ST18: variants seen among roughly 807,000 people sequenced by gnomAD.
ST18 encodes ST18 C2H2C-type zinc finger transcription factor.
Under a neutral mutation model 110.0 loss-of-function variants are expected in ST18, and 50 were observed. The ratio of observed to expected loss-of-function variants is 0.45; its 90% confidence interval spans 0.36 to 0.58. ST18 has a LOEUF of 0.58. ST18 is among the 20% of genes least tolerant of loss of function. The pLI is 0.00. For missense variants in ST18, 1,306 were observed against 1,280.1 expected (o/e 1.02, Z -0.31); for synonymous variants, 461 against 452.4 (o/e 1.02, Z -0.24).
chr8:52,319,885 A>C (rs1381234000), intron 2 of ST18, among the ~76,000 whole-genome samples: 1 of 152,180 alleles, frequency 6.6e-6, no homozygotes, highest in Admixed American at 6.5e-5. Flanking sequence ...CTTCCATGGC[A>C]ACTGGCCTCC....
chr8:52,312,624 G>A (rs2095940953), intron 2 of ST18, among the ~76,000 whole-genome samples: 1 of 152,156 alleles, frequency 6.6e-6, no homozygotes, highest in Non-Finnish European at 1.5e-5. Context: ...TAAGTCACAT[G>A]ATATTGATGC....
rs772697641 is a variant in ST18, at chr8:52,164,090, A to T, written c.1296T>A (p.Ser432Arg). Reference sequence around the variant, plus strand: ...CTGCAGCAATTGGACAACCAGAAAGACTGTTTAAAAAAAGAAACACAGGAG... The same window carrying T: ...CTGCAGCAATTGGACAACCAGAAAGTCTGTTTAAAAAAAGAAACACAGGAG... ...HVNSNRNTHR[S>R]LSGCPIAAAE... Residue 432 changes from serine to arginine, a missense_variant and splice_region_variant, in exon 13 of 26, where the codon AGT becomes AGA. By Grantham distance (110) the Ser-to-Arg change is moderately radical (BLOSUM62 -1). Coordinates refer to ENST00000689386, the MANE Select transcript of ST18 (RefSeq NM_001352837.2). 1 of 1,613,362 alleles carries T rather than the reference A, an allele frequency of 6.2e-7. No individual in the cohort carries two copies. The highest frequency in any genetic ancestry group is 2.2e-5 in the East Asian group (1 of 44,864).
intron 2 of ST18, among the ~76,000 whole-genome samples, chr8:52,352,840 C>A (rs1351100960): frequency 6.6e-6 from 1 of 152,154 alleles, no homozygotes; most frequent in African/African-American, 2.4e-5. Context: ...CACCTATATA[C>A]CAGGCAGTAT....
intron 16 of ST18, among the ~76,000 whole-genome samples, chr8:52,149,016 A>G (rs1306441820): frequency 6.6e-6 from 1 of 152,264 alleles, no homozygotes; most frequent in Non-Finnish European, 1.5e-5. Context: ...GCAATTACAC[A>G]GAGTCTAAAC....
chr8:52,398,864 A>G (rs1842012967), intron 2 of ST18, among the ~76,000 whole-genome samples: 1 of 152,088 alleles, frequency 6.6e-6, no homozygotes, highest in South Asian at 2.1e-4. Context: ...GGATTTTTGT[A>G]TTAACATTCA....
intron 2 of ST18, among the ~76,000 whole-genome samples, chr8:52,257,641 T>C (rs1589378952): frequency 6.6e-6 from 1 of 152,184 alleles, no homozygotes; most frequent in East Asian, 1.9e-4. Context: ...ATTTGTCTTT[T>C]CATTATTGAG....
At chr8:52,316,710 T>C (rs2096034476) in intron 2 of ST18, among the ~76,000 whole-genome samples, 1 of 152,254 alleles carries the variant, frequency 6.6e-6, no homozygotes, top group South Asian at 2.1e-4. Flanking sequence ...TTTTGTATGG[T>C]TAATGTCTGC....
intron 2 of ST18, among the ~76,000 whole-genome samples, chr8:52,381,155 G>T (rs999413929): frequency 3.3e-5 from 5 of 152,160 alleles, no homozygotes; most frequent in African/African-American, 7.2e-5. Flanking sequence ...GCAACTGAAG[G>T]ATGTTCTGTA....
At chr8:52,363,670 G>A (rs1421917958) in intron 2 of ST18, among the ~76,000 whole-genome samples, 4 of 152,098 alleles carry the variant, frequency 2.6e-5, no homozygotes, top group Non-Finnish European at 5.9e-5. Context: ...GCAAGATAAG[G>A]AGCCCAACTA....
intron 2 of ST18, among the ~76,000 whole-genome samples, chr8:52,308,749 C>A (rs1052806114): frequency 2.0e-5 from 3 of 152,192 alleles, no homozygotes; most frequent in Non-Finnish European, 4.4e-5. Flanking sequence ...GGGCAACCCC[C>A]CATCCCACAG....
chr8:52,237,782 T>C (rs1429095404), intron 2 of ST18, among the ~76,000 whole-genome samples: 1 of 152,176 alleles, frequency 6.6e-6, no homozygotes, highest in Non-Finnish European at 1.5e-5. Flanking sequence ...CTTTGCTGAT[T>C]GAAGAAAGGA....
chr8:52,159,118 G>T lies in ST18; in HGVS notation c.1595-9C>A. The T allele has an allele frequency of 6.2e-7, 1 of 1,612,086 alleles. No homozygotes were observed. The highest frequency in any genetic ancestry group is 8.5e-7 in the Non-Finnish European group (1 of 1,179,218). On this transcript the variant is annotated splice_polypyrimidine_tract_variant and intron_variant, in intron 14 of 25. Transcript: ENST00000689386. ...ATTTGGAAAATGCTTTGCTGTTGAA[G>T]AGAGATTTGATTAGCAATTGCATGT...
intron 2 of ST18, among the ~76,000 whole-genome samples, chr8:52,401,541 G>T (rs1842808365): frequency 1.3e-5 from 2 of 151,604 alleles, no homozygotes. Context: ...TATTTCAAAA[G>T]ACTTCTTTTC....
rs1462622369 is a variant in ST18 at position 52,320,100 on chromosome 8, C to T, written c.-465+89228G>A. ...AAAATTTGGGCCTATATTTTAAAAT[C>T]TGTCTCTATATATATGTAGTATGTA... On this transcript the variant is annotated intron_variant, in intron 2 of 25. Transcript: ENST00000689386. 3.3e-5 allele frequency among the ~76,000 whole-genome samples: 5 copies of T among 152,124 alleles called. No homozygotes were observed. In the South Asian group the frequency reaches 1.0e-3, roughly 31 times the overall value.
chr8:52,157,341 A>C (rs145069941), intron 15 of ST18, among the ~76,000 whole-genome samples: 286 of 152,182 alleles, frequency 1.9e-3, no homozygotes, highest in African/African-American at 5.1e-3. Context: ...TTCATTCTAG[A>C]ACCACTTACC....
At chr8:52,230,965 A>G (rs938789111) in intron 2 of ST18, among the ~76,000 whole-genome samples, 4 of 152,190 alleles carry the variant, frequency 2.6e-5, no homozygotes, top group Non-Finnish European at 5.9e-5. Flanking sequence ...CTCATACTAC[A>G]GAAAAATTAG....
intron 2 of ST18, among the ~76,000 whole-genome samples, chr8:52,265,430 C>T (rs945607499): frequency 6.6e-6 from 1 of 152,202 alleles, no homozygotes; most frequent in Non-Finnish European, 1.5e-5. Context: ...TAGAAGATCG[C>T]TCTAGCAGCA....
intron 2 of ST18, among the ~76,000 whole-genome samples, chr8:52,252,099 T>C (rs933153112): frequency 2.1e-4 from 32 of 152,124 alleles, no homozygotes; most frequent in African/African-American, 7.5e-4. Context: ...TAAAGAGTTA[T>C]ATATTTAATA....
At position 52,132,179 on chromosome 8, in the gene ST18, T is replaced by C; in HGVS notation, c.2445A>G (p.Lys815=). 3 of 1,608,514 alleles carry C rather than the reference T, an allele frequency of 1.9e-6. No individual in the cohort carries two copies. The highest frequency in any genetic ancestry group is 2.5e-6 in the Non-Finnish European group (3 of 1,177,538). The part of the protein sequence containing the change: ...TKEEKEDPEL[K]CPVIGCDGQG... ...GGCCATCACACCCTATCACAGGACA[T>C]CTAGAGAGAAAGCAGAGACATTACC... Residue 815 remains lysine (K), a splice_region_variant and synonymous_variant, in exon 22 of 26, where the codon AAA becomes AAG. Coordinates refer to ENST00000689386, the MANE Select transcript of ST18 (RefSeq NM_001352837.2).
Sources: gnomAD v4.1 joint callset for allele counts (sites outside exome capture counted in the v4.1 genomes callset) on GRCh38, gnomAD v4.1.1 for gene constraint, MANE v1.5 for transcripts, NCBI Gene and HGNC (gene_info 2026-07-23, HGNC 2026-07-21) for gene names.